UBOX5: variants seen among roughly 807,000 people sequenced by gnomAD.
UBOX5 encodes U-box domain containing 5.
UBOX5 carries 28 observed loss-of-function variants against 39.0 expected under a neutral mutation model. The ratio of observed to expected loss-of-function variants is 0.72; its 90% CI spans 0.53 to 0.98. The LOEUF (loss-of-function observed/expected upper bound fraction) is 0.98, where lower values mean the gene tolerates loss of function less well. Ranked by LOEUF, UBOX5 falls within the 50% of genes least tolerant of loss-of-function variation. The pLI is 0.00. For synonymous variants in UBOX5, 283 were observed against 275.5 expected (o/e 1.03, Z -0.27); for missense variants, 585 against 674.4 (o/e 0.87, Z 1.47).
Position 3,110,270 on chromosome 20 carries a change from T to A in UBOX5, c.1462A>T (p.Arg488Ter), listed in dbSNP as rs2066243367. The change falls in exon 5 of 5, where the codon AGA (arginine) becomes TGA (stop). Residue 488 changes from arginine to a stop codon, truncating the protein, a stop_gained. Coordinates refer to ENST00000217173, the MANE Select transcript of UBOX5 (RefSeq NM_014948.4). LOFTEE classifies it high-confidence loss of function. The part of the protein sequence containing the change: ...ILGPECASCK[R>*]VFSPYFKKEP... ...TTTTTGAAGTAGGGAGAAAATACTC[T>A]TTTGCAGGAGGCACATTCGGGGCCC... The A allele has an allele frequency of 1.2e-6, 2 of 1,614,102 alleles. No homozygotes were observed. Among genetic ancestry groups the A allele is most frequent in the Non-Finnish European group, 1.7e-6 (2 of 1,180,008 alleles).
Position 3,121,922 on chromosome 20 carries a change from C to T in UBOX5, c.717G>A (p.Gln239=). Residue 239 remains glutamine, a synonymous_variant, in exon 3 of 5, where the codon CAG becomes CAA. Coordinates refer to ENST00000217173, the MANE Select transcript of UBOX5 (RefSeq NM_014948.4). The stretch of plus-strand genomic sequence containing the variant: ...TGGAGGGAGCCTGCTGGCTCTCAGG[C>T]TGGTCCCCAGGGTCACAGTCACTTT... ...PMESDCDPGD[Q]PESQQAPSSL... The T allele has an allele frequency of 6.2e-7, 1 of 1,613,846 alleles. No homozygotes were observed. The highest frequency in any genetic ancestry group is 1.1e-5 in the South Asian group (1 of 91,082).
At chr20:3,153,184 T>C (rs1172892365) in intron 1 of UBOX5, among the ~76,000 whole-genome samples, 1 of 152,156 alleles carries the variant, frequency 6.6e-6, no homozygotes, top group Non-Finnish European at 1.5e-5. Context: ...TACCTAAGAG[T>C]ACTTAATGAA....
chr20:3,153,317 G>C (rs2066650401), intron 1 of UBOX5, among the ~76,000 whole-genome samples: 1 of 152,262 alleles, frequency 6.6e-6, no homozygotes, highest in African/African-American at 2.4e-5. Context: ...TAAGATCCAA[G>C]ATGGAAATAA....
chr20:3,148,867 G>A (rs199920576), intron 1 of UBOX5: 45 of 1,614,212 alleles, frequency 2.8e-5, no homozygotes, highest in Non-Finnish European at 3.8e-5. Flanking sequence ...TGGTTGTCAG[G>A]ATTCTCCGAG....
At chr20:3,142,603 CAAA>C (rs899893927) in intron 1 of UBOX5, among the ~76,000 whole-genome samples, 2 of 50,826 alleles carry the variant, frequency 3.9e-5, no homozygotes, top group Middle Eastern at 0.011. Context: ...GACTCCGTCT[CAAA>C]AAAAAAAAAA....
chr20:3,122,322 T>C lies in UBOX5; in HGVS notation c.317A>G (p.Glu106Gly). The C allele has an allele frequency of 6.2e-7, 1 of 1,614,194 alleles. No individual in the cohort carries two copies. Among genetic ancestry groups the C allele is most frequent in the Non-Finnish European group, 8.5e-7 (1 of 1,180,022 alleles). Residue 106 changes from glutamate to glycine, a missense_variant, in exon 3 of 5, where the codon GAG (glutamate) becomes GGG (glycine). Coordinates refer to ENST00000217173, the MANE Select transcript of UBOX5 (RefSeq NM_014948.4). ...CGCCTCCTTGTCTGGGACAGATGGC[T>C]CAGCTGGGCCCAGGGTCCGGCACTG... Reference protein sequence around the residue: ...TPQCRTLGPAEPSVPDKEAFT... With the variant: ...TPQCRTLGPAGPSVPDKEAFT...
chr20:3,122,484 T>A lies in UBOX5; in HGVS notation c.155A>T (p.Tyr52Phe), dbSNP rs906436850. ...RTEYFIKPPVYVTVSFPFNVE... is the reference protein window; with the variant it reads ...RTEYFIKPPVFVTVSFPFNVE... ...ATTAAAGGGAAATGAAACTGTCACA[T>A]AGACTGGTGGCTTAATGAAATACTC... is the stretch of plus-strand genomic sequence containing the variant. The change falls in exon 3 of 5, where the codon TAT becomes TTT. Residue 52 changes from tyrosine (Y) to phenylalanine (F), a missense_variant. Transcript: ENST00000217173. The A allele has an allele frequency of 6.2e-7, 1 of 1,614,056 alleles. No homozygotes were observed. The highest frequency in any genetic ancestry group is 1.7e-5 in the Admixed American group (1 of 60,004).
chr20:3,132,070 G>A (rs2066433618), intron 1 of UBOX5, among the ~76,000 whole-genome samples: 1 of 150,674 alleles, frequency 6.6e-6, no homozygotes, highest in African/African-American at 2.4e-5. Context: ...AGCACTTTGG[G>A]AGGCCAAGGC....
chr20:3,123,530 T>G (rs1183534861), intron 1 of UBOX5, 124 bp from the exon 2 acceptor site: 10 of 644,484 alleles, frequency 1.6e-5, no homozygotes, highest in Non-Finnish European at 2.7e-5. Flanking sequence ...ACTCTCACGG[T>G]CCACACTGAC....
chr20:3,150,705 A>G (rs2066615443), intron 1 of UBOX5: 1 of 152,202 alleles, frequency 6.6e-6, no homozygotes, highest in Non-Finnish European at 1.5e-5. Context: ...AGCCCATAGC[A>G]CATCATCATT....
rs2066227686 is a variant in UBOX5, at chr20:3,108,408, A to G, written c.*1698T>C. On this transcript the variant is annotated 3_prime_UTR_variant, in exon 5 of 5. Coordinates refer to ENST00000217173, the MANE Select transcript of UBOX5 (RefSeq NM_014948.4). ...TAGGCATGAGCCACCATGCCCGGCC[A>G]TGCTGGGGCTTTTCTAAGAACACAA... 6.6e-6 allele frequency: 1 copy of G among 152,330 alleles called. No individual in the cohort carries two copies. The highest frequency in any genetic ancestry group is 2.4e-5 in the African/African-American group (1 of 41,472). 9.4% of individuals were successfully genotyped at this position (152,330 alleles called of 1,614,324 possible). A position where few individuals can be genotyped will look rare whatever the true frequency, so the allele number is the denominator to read the frequency against.
chr20:3,129,885 T>C (rs902811073), intron 1 of UBOX5, among the ~76,000 whole-genome samples: 5 of 152,224 alleles, frequency 3.3e-5, no homozygotes, highest in African/African-American at 1.2e-4. Flanking sequence ...TTTATTTTTA[T>C]ATAATAGAGC....
chr20:3,110,481 C>A (rs45551643), intron 4 of UBOX5, 167 bp from the exon 5 acceptor site: 7 of 727,030 alleles, frequency 9.6e-6, no homozygotes, highest in Non-Finnish European at 1.4e-5. Context: ...GGAGAGGGAG[C>A]CTGGGAACCC....
chr20:3,127,699 G>A (rs1382595893), intron 1 of UBOX5, among the ~76,000 whole-genome samples: 1 of 151,972 alleles, frequency 6.6e-6, no homozygotes, highest in Non-Finnish European at 1.5e-5. Flanking sequence ...TTCTAGTATG[G>A]TCACACCCAA....
chr20:3,129,100 C>T (rs958357823), intron 1 of UBOX5, among the ~76,000 whole-genome samples: 2 of 152,202 alleles, frequency 1.3e-5, no homozygotes, highest in Non-Finnish European at 2.9e-5. Flanking sequence ...CAGGGGCTGT[C>T]AACTACCCCA....
chr20:3,149,390 A>T lies in UBOX5; in HGVS notation c.-42+10376T>A. On this transcript the variant is annotated intron_variant, in intron 1 of 4. Coordinates refer to ENST00000217173, the MANE Select transcript of UBOX5 (RefSeq NM_014948.4). This position sits in a 1 kb window ranked among gnomAD's most constrained non-coding sequence, Gnocchi z 4.1. ...AAGTTCAATGCTAGTAAATGCCCAA[A>T]CCACATGACAGCATATATCAAGGAT... 1 of 310,008 alleles carries T rather than the reference A, an allele frequency of 3.2e-6. No homozygotes were observed. The highest frequency in any genetic ancestry group is 6.0e-6 in the Non-Finnish European group (1 of 167,886). The allele number at this position is 310,008 out of a possible 1,614,324, so 19.2% of individuals were successfully genotyped here. A position where few individuals can be genotyped will look rare whatever the true frequency, so the allele number is the denominator to read the frequency against.
intron 1 of UBOX5, among the ~76,000 whole-genome samples, chr20:3,124,476 C>A (rs2066362570): frequency 6.6e-6 from 1 of 152,206 alleles, no homozygotes; most frequent in South Asian, 2.1e-4. Flanking sequence ...CTCGCTACAA[C>A]CTCCACCTCC....
chr20:3,112,140 G>A (rs1217994459), intron 4 of UBOX5, among the ~76,000 whole-genome samples: 1 of 151,076 alleles, frequency 6.6e-6, no homozygotes, highest in Non-Finnish European at 1.5e-5. Flanking sequence ...GAAGGAGGGA[G>A]GAATGAAGGT....
At chr20:3,115,263 A>G in intron 4 of UBOX5, 42 bp downstream of exon 4, 1 of 1,571,434 alleles carries the variant, frequency 6.4e-7, no homozygotes, top group Non-Finnish European at 8.6e-7. Flanking sequence ...AAAACAGACC[A>G]CCCATTCCAA....
Sources: allele counts gnomAD v4.1 joint callset (sites outside exome capture counted in the v4.1 genomes callset), GRCh38; gene constraint gnomAD v4.1.1; non-coding constraint Gnocchi (gnomAD v3.1); transcripts MANE v1.5; gene names NCBI Gene and HGNC (gene_info 2026-07-23, HGNC 2026-07-21).